The following MAMDC2 variants were observed in gnomAD, a reference collection of about 807,000 sequenced individuals.
MAMDC2 encodes the protein MAM domain-containing protein 2.
A neutral mutation model predicts 89.8 loss-of-function variants in MAMDC2; 57 were observed. The ratio of observed to expected loss-of-function variants is 0.63; its 90% CI spans 0.51 to 0.79. The LOEUF is 0.79. Among genes scored for constraint, MAMDC2 ranks in the 30% least tolerant of loss-of-function variants. MAMDC2 has a pLI of 0.00. For missense variants in MAMDC2, 800 were observed against 820.6 expected, an observed-to-expected ratio of 0.97 and a Z score of 0.31; for synonymous variants, 313 against 293.4, an observed-to-expected ratio of 1.07 and a Z score of -0.68.
chr9:70,198,405 A>G (rs2033021257), intron 11 of MAMDC2, among the ~76,000 whole-genome samples: 1 of 152,074 alleles, frequency 6.6e-6, no homozygotes, highest in South Asian at 2.1e-4. Context: ...ATTAACATTT[A>G]TATGATACTA....
At chr9:70,140,324 G>T in intron 8 of MAMDC2, 36 bp downstream of exon 8, 14 of 1,543,938 alleles carry the variant, frequency 9.1e-6, no homozygotes, top group Non-Finnish European at 1.2e-5. Flanking sequence ...GGACATCTTG[G>T]GTAGTCGTGA....
chr9:70,215,900 T>C (rs1237401901), intron 11 of MAMDC2, among the ~76,000 whole-genome samples: 1 of 152,202 alleles, frequency 6.6e-6, no homozygotes, highest in Non-Finnish European at 1.5e-5. Context: ...AATAAACTTA[T>C]AGAACTTCTC....
At chr9:70,212,924 G>A (rs2033384631) in intron 11 of MAMDC2, among the ~76,000 whole-genome samples, 2 of 152,132 alleles carry the variant, frequency 1.3e-5, no homozygotes, top group African/African-American at 4.8e-5. Flanking sequence ...ATGGTTAGAG[G>A]AGGCTGTGCA....
chr9:70,097,673 A>G (rs1452330130), intron 2 of MAMDC2, among the ~76,000 whole-genome samples: 1 of 152,180 alleles, frequency 6.6e-6, no homozygotes, highest in Non-Finnish European at 1.5e-5. Context: ...CTTTTCAATT[A>G]CAGATAATTT....
At chr9:70,126,559 C>T (rs1380767479) in intron 6 of MAMDC2, 144 bp downstream of exon 6, 11 of 849,252 alleles carry the variant, frequency 1.3e-5, no homozygotes, top group Non-Finnish European at 2.0e-5. Context: ...TTCTCATCCT[C>T]AGCCCCTCTC....
intron 5 of MAMDC2, among the ~76,000 whole-genome samples, chr9:70,125,244 A>G (rs977167100): frequency 3.3e-5 from 5 of 152,230 alleles, no homozygotes; most frequent in African/African-American, 9.7e-5. Flanking sequence ...TAATTGTTAG[A>G]CAGCTACAAT....
intron 11 of MAMDC2, chr9:70,175,656 T>A (rs913169008): frequency 7.2e-5 from 11 of 152,178 alleles, no homozygotes; most frequent in Non-Finnish European, 1.5e-5. Context: ...TTAGAACATA[T>A]CCCTCAAGGA....
chr9:70,091,478 C>T (rs1007978675), intron 2 of MAMDC2, among the ~76,000 whole-genome samples: 3 of 152,156 alleles, frequency 2.0e-5, no homozygotes, highest in African/African-American at 7.2e-5. Flanking sequence ...GGCCTGGAAC[C>T]TGAGGTTGCA....
intron 2 of MAMDC2, among the ~76,000 whole-genome samples, chr9:70,080,897 A>G (rs1260870539): frequency 6.6e-6 from 1 of 152,184 alleles, no homozygotes; most frequent in Non-Finnish European, 1.5e-5. Flanking sequence ...ATTTGGGGTT[A>G]CTGGTCCGGT....
At chr9:70,173,214 C>T (rs753459525) in intron 11 of MAMDC2, among the ~76,000 whole-genome samples, 4 of 151,984 alleles carry the variant, frequency 2.6e-5, no homozygotes, top group East Asian at 3.9e-4. Context: ...TTGAATCTAG[C>T]GGAAAGTGAA....
At chr9:70,136,345 C>T (rs1185269154) in intron 7 of MAMDC2, among the ~76,000 whole-genome samples, 2 of 152,080 alleles carry the variant, frequency 1.3e-5, no homozygotes, top group African/African-American at 4.8e-5. Flanking sequence ...TTTAAGTTTA[C>T]TCCGTATCAT....
chr9:70,145,466 G>C (rs181001409), intron 9 of MAMDC2, among the ~76,000 whole-genome samples: 170 of 152,272 alleles, frequency 1.1e-3, no homozygotes, highest in African/African-American at 3.7e-3. Context: ...AGAAATCCAA[G>C]TTTCTCTGCA....
chr9:70,114,523 C>T (rs1196076865), intron 5 of MAMDC2, among the ~76,000 whole-genome samples: 1 of 152,080 alleles, frequency 6.6e-6, no homozygotes, highest in African/African-American at 2.4e-5. Flanking sequence ...ATTTTGCAAC[C>T]TTCATTTGAC....
intron 11 of MAMDC2, among the ~76,000 whole-genome samples, chr9:70,186,989 C>T (rs1397443479): frequency 6.6e-6 from 1 of 152,144 alleles, no homozygotes; most frequent in Non-Finnish European, 1.5e-5. Context: ...GTCACACCTC[C>T]AACATTGGGG....
intron 2 of MAMDC2, chr9:70,086,070 TAAAG>T (rs1349607019): frequency 1.3e-5 from 2 of 152,042 alleles, no homozygotes; most frequent in Admixed American, 6.6e-5. Context: ...TTAGTTGAAA[TAAAG>T]AAAAGAAAAT....
intron 2 of MAMDC2, among the ~76,000 whole-genome samples, chr9:70,069,117 C>A (rs183950726): frequency 6.6e-6 from 1 of 152,166 alleles, no homozygotes; most frequent in Non-Finnish European, 1.5e-5. Context: ...TGAGGAAACC[C>A]GAGATTCAGC....
chr9:70,054,336 T>G (rs893639941), intron 2 of MAMDC2, among the ~76,000 whole-genome samples: 1 of 151,158 alleles, frequency 6.6e-6, no homozygotes, highest in African/African-American at 2.4e-5. Context: ...AGGAAGGAGA[T>G]GGGGACATGA....
intron 2 of MAMDC2, chr9:70,088,411 G>A (rs952908127): frequency 6.6e-6 from 1 of 152,052 alleles, no homozygotes; most frequent in African/African-American, 2.4e-5. Flanking sequence ...TGGGCATAGA[G>A]GTCCAGGTAC....
intron 11 of MAMDC2, chr9:70,175,987 C>T (rs1000849046): frequency 5.9e-5 from 9 of 152,166 alleles, no homozygotes; most frequent in African/African-American, 2.2e-4. Flanking sequence ...TCTCCAAATA[C>T]AGTCACATTC....
Sources: allele counts gnomAD v4.1 joint callset (sites outside exome capture counted in the v4.1 genomes callset), GRCh38; gene constraint gnomAD v4.1.1; transcripts MANE v1.5; gene names NCBI Gene and HGNC (gene_info 2026-07-23, HGNC 2026-07-21).